SUGP1: variants seen among roughly 807,000 people sequenced by gnomAD.
SUGP1 encodes SURP and G-patch domain-containing protein 1.
SUGP1 carries 34 observed loss-of-function variants against 76.5 expected under a neutral mutation model. The observed-to-expected ratio is 0.44, with a 90% confidence interval of 0.34 to 0.59. SUGP1 has a LOEUF of 0.59. SUGP1 is among the 20% of genes least tolerant of loss of function. The pLI is 0.01. For synonymous variants in SUGP1, 326 were observed against 326.2 expected, an observed-to-expected ratio of 1.00 and a Z score of 0.01; for missense variants, 752 against 851.7, an observed-to-expected ratio of 0.88 and a Z score of 1.46.
Position 19,276,673 on chromosome 19 carries a change from T to C in SUGP1, c.1913A>G (p.Asn638Ser). 1 of 1,614,120 alleles carries C rather than the reference T, an allele frequency of 6.2e-7. No homozygotes were observed. ...TCAGTAGTAAGGCCGTCTGGGATTG[T>C]TCTGTGGAAGGCAAAACAGATAACA... is the stretch of plus-strand genomic sequence containing the variant. ...LAYRFRPNPL[N>S]NPRRPYY Residue 638 changes from asparagine (N) to serine (S), a missense_variant and splice_region_variant, in exon 14 of 14, where the codon AAC (asparagine) becomes AGC (serine). By Grantham distance (46) the Asn-to-Ser change is conservative. This residue lies in a region of SUGP1 where 132 missense variants were observed against 234.4 expected (regional missense o/e 0.56). Transcript: ENST00000247001.
At position 19,297,202 on chromosome 19, in the gene SUGP1, AC is replaced by A; in HGVS notation, c.1029del (p.Ser344GlnfsTer36). On this transcript the variant is annotated frameshift_variant, in exon 8 of 14. Coordinates refer to ENST00000247001, the MANE Select transcript of SUGP1 (RefSeq NM_172231.4). LOFTEE classifies it high-confidence loss of function. Reference protein sequence around the residue: ...GLKRKSPPEALSGSLPPATTC... With the variant: ...GLKRKSPPEAXSGSLPPATTC... ...GTGGTGGCTGGGGGTAAGGACCCTG[AC>A]AGGGCCTCAGGAGGGGACTTGCGCT... 4 of 1,605,930 alleles carry A rather than the reference AC, an allele frequency of 2.5e-6. No homozygotes were observed. Among genetic ancestry groups the A allele is most frequent in the Non-Finnish European group, 3.4e-6 (4 of 1,173,722 alleles).
intron 1 of SUGP1, among the ~76,000 whole-genome samples, chr19:19,318,180 C>T (rs1317068082): frequency 1.4e-5 from 2 of 138,424 alleles, no homozygotes; most frequent in Non-Finnish European, 3.0e-5. Context: ...TGCAATGGCG[C>T]GATCTTGGCT....
chr19:19,313,046 T>C (rs539308023), intron 2 of SUGP1, among the ~76,000 whole-genome samples: 71 of 151,062 alleles, frequency 4.7e-4, no homozygotes, highest in African/African-American at 1.7e-3. Context: ...GGACAGGCTA[T>C]AAAACAGTAT....
intron 3 of SUGP1, among the ~76,000 whole-genome samples, chr19:19,306,425 T>C (rs2146620240): frequency 6.6e-6 from 1 of 152,204 alleles, no homozygotes; most frequent in African/African-American, 2.4e-5. Flanking sequence ...TTTACAACCA[T>C]TCCCTTGGAG....
chr19:19,278,060 G>T (rs1434730864), intron 11 of SUGP1, among the ~76,000 whole-genome samples, 181 bp from the exon 12 acceptor site: 1 of 152,126 alleles, frequency 6.6e-6, no homozygotes, highest in Non-Finnish European at 1.5e-5. Context: ...AGGGTCCCCG[G>T]GGCCTTAGTG....
intron 2 of SUGP1, among the ~76,000 whole-genome samples, chr19:19,313,908 T>C (rs1233678646): frequency 6.6e-6 from 1 of 151,642 alleles, no homozygotes; most frequent in South Asian, 2.1e-4. Context: ...GAGGCCGAGG[T>C]GGGAGGAACA....
chr19:19,305,945 G>C lies in SUGP1; in HGVS notation c.442C>G (p.His148Asp). Residue 148 changes from histidine (H) to aspartate (D), a missense_variant, in exon 4 of 14, where the codon CAC becomes GAC. Transcript: ENST00000247001. ...TGCGCCACGGGCAGCTGCTTGGCGT[G>C]GGAGTAGCTCTTCACAGGGCCCGGC... is the stretch of plus-strand genomic sequence containing the variant. ...SLPGPVKSYS[H>D]AKQLPVAHRP... The C allele has an allele frequency of 1.2e-6, 2 of 1,613,246 alleles. No individual in the cohort carries two copies. Among genetic ancestry groups the C allele is most frequent in the African/African-American group, 1.3e-5 (1 of 75,064 alleles).
chr19:19,297,420 T>TGGCCTTCTGGGCAGGAGCAGTTCA, intron 7 of SUGP1, 76 bp from the exon 8 acceptor site: 4 of 1,274,432 alleles, frequency 3.1e-6, no homozygotes, highest in Non-Finnish European at 4.3e-6. Context: ...GGAGCAGTTC[T>TGGCCTTCTGGGCAGGAGCAGTTCA]GGCCTTGTGT....
chr19:19,278,899 G>A, intron 10 of SUGP1, 103 bp from the exon 11 acceptor site: 1 of 1,265,100 alleles, frequency 7.9e-7, no homozygotes, highest in Non-Finnish European at 1.1e-6. Context: ...GGGAGCCTGG[G>A]GCCCCCAGGG....
chr19:19,304,412 C>T (rs889823641), intron 4 of SUGP1, among the ~76,000 whole-genome samples: 2 of 152,096 alleles, frequency 1.3e-5, no homozygotes, highest in Non-Finnish European at 2.9e-5. Context: ...AAGATCATCT[C>T]ATACACTTCC....
At chr19:19,317,144 A>C (rs1427068115) in intron 1 of SUGP1, among the ~76,000 whole-genome samples, 2 of 152,120 alleles carry the variant, frequency 1.3e-5, no homozygotes, top group Non-Finnish European at 2.9e-5. Context: ...CTCAAAAAAA[A>C]AAAAAAAAGT....
chr19:19,288,859 CA>C (rs1278727842), intron 8 of SUGP1, among the ~76,000 whole-genome samples: 2 of 151,802 alleles, frequency 1.3e-5, no homozygotes, highest in Admixed American at 1.3e-4. Flanking sequence ...GATCTCAGCT[CA>C]CTGCAACCTC....
At chr19:19,302,120 G>C in intron 7 of SUGP1, 145 bp downstream of exon 7, 1 of 1,296,344 alleles carries the variant, frequency 7.7e-7, no homozygotes, top group Non-Finnish European at 1.1e-6. Context: ...GGCAGAGCTG[G>C]GCTCTGGGGT....
chr19:19,297,734 G>A (rs1454065958), intron 7 of SUGP1, among the ~76,000 whole-genome samples: 1 of 152,222 alleles, frequency 6.6e-6, no homozygotes, highest in Non-Finnish European at 1.5e-5. Flanking sequence ...AGACAGGGCA[G>A]AGGGACTTGT....
Position 19,288,902 on chromosome 19 carries a change from C to A in SUGP1, c.1243+8087G>T, listed in dbSNP as rs567817930. Among the ~76,000 whole-genome samples the A allele has an allele frequency of 8.5e-5, 13 of 152,258 alleles. No homozygotes were observed. In the East Asian group the frequency reaches 2.3e-3, roughly 27 times the overall value. On this transcript the variant is annotated intron_variant, in intron 8 of 13. Coordinates refer to ENST00000247001, the MANE Select transcript of SUGP1 (RefSeq NM_172231.4). ...CCGAGTTCAAGCGATTCTCCTGCCT[C>A]AGCCTCCTGAGTAGCTGGGATTACA...
intron 8 of SUGP1, among the ~76,000 whole-genome samples, chr19:19,283,336 G>C (rs1329024269): frequency 6.6e-6 from 1 of 151,942 alleles, no homozygotes; most frequent in Non-Finnish European, 1.5e-5. Flanking sequence ...GTGCAATCTC[G>C]GCTCACTGCA....
intron 8 of SUGP1, among the ~76,000 whole-genome samples, chr19:19,292,570 TG>T (rs2146604160): frequency 6.6e-6 from 1 of 151,836 alleles, no homozygotes; most frequent in South Asian, 2.1e-4. Context: ...GGTGTGGTGG[TG>T]GAAGAATTGC....
intron 13 of SUGP1, 135 bp from the exon 14 acceptor site, chr19:19,276,809 G>A: frequency 1.9e-6 from 3 of 1,538,486 alleles, no homozygotes; most frequent in Non-Finnish European, 2.6e-6. Context: ...ACGGGTGGGG[G>A]CTTGAATGCA....
intron 8 of SUGP1, among the ~76,000 whole-genome samples, chr19:19,286,408 C>A (rs1173520128): frequency 6.6e-6 from 1 of 152,206 alleles, no homozygotes; most frequent in Non-Finnish European, 1.5e-5. Flanking sequence ...AAGGGTTACA[C>A]TACAGGAAAG....
Sources: allele counts gnomAD v4.1 joint callset (sites outside exome capture counted in the v4.1 genomes callset), GRCh38; gene constraint gnomAD v4.1.1; regional missense constraint gnomAD v4.1.1; transcripts MANE v1.5; gene names NCBI Gene and HGNC (gene_info 2026-07-23, HGNC 2026-07-21).